NAAA: variants seen among roughly 807,000 people sequenced by gnomAD.
NAAA encodes the protein N-acylethanolamine-hydrolyzing acid amidase.
Under a neutral mutation model 44.8 loss-of-function variants are expected in NAAA, and 39 were observed. That is an observed-to-expected ratio of 0.87 (90% CI 0.67 to 1.14). The LOEUF is 1.14. Among genes scored for constraint, NAAA ranks in the 50% most tolerant of loss-of-function variants. The pLI is 0.00. For missense variants in NAAA, 460 were observed against 467.8 expected, an observed-to-expected ratio of 0.98 and a Z score of 0.15; for synonymous variants, 178 against 191.3, an observed-to-expected ratio of 0.93 and a Z score of 0.58.
At chr4:75,925,603 G>T in intron 5 of NAAA, 132 bp downstream of exon 5, 1 of 793,416 alleles carries the variant, frequency 1.3e-6, no homozygotes, top group Non-Finnish European at 2.1e-6. Context: ...AGATTTATAT[G>T]CACTTTGCAG....
At chr4:75,933,252 A>G (rs1238531625) in intron 3 of NAAA, among the ~76,000 whole-genome samples, 1 of 152,142 alleles carries the variant, frequency 6.6e-6, no homozygotes, top group Non-Finnish European at 1.5e-5. Flanking sequence ...CCTTAGAAAA[A>G]TTAGGTCAGT....
chr4:75,936,739 C>T (rs995066697), intron 2 of NAAA, among the ~76,000 whole-genome samples: 7 of 152,148 alleles, frequency 4.6e-5, no homozygotes, highest in African/African-American at 1.4e-4. Flanking sequence ...TCTTAAGGGA[C>T]TTGGCACTTT....
chr4:75,917,178 T>A, intron 9 of NAAA: 8 of 739,810 alleles, frequency 1.1e-5, no homozygotes, highest in African/African-American at 1.9e-5. Context: ...AAGGGCAACA[T>A]TGTGCCCCGC....
chr4:75,923,796 C>T (rs1037587991), intron 5 of NAAA, among the ~76,000 whole-genome samples: 1 of 152,136 alleles, frequency 6.6e-6, no homozygotes, highest in African/African-American at 2.4e-5. Flanking sequence ...CCTCGGCCTC[C>T]CAAAGTGCTG....
intron 3 of NAAA, among the ~76,000 whole-genome samples, chr4:75,934,369 G>A (rs1332951054): frequency 6.6e-6 from 1 of 151,972 alleles, no homozygotes; most frequent in Non-Finnish European, 1.5e-5. Context: ...GGGCTAGAGT[G>A]CAGTGGTGCG....
chr4:75,931,726 A>G (rs985129869), intron 3 of NAAA, among the ~76,000 whole-genome samples: 7 of 152,248 alleles, frequency 4.6e-5, no homozygotes, highest in Non-Finnish European at 8.8e-5. Flanking sequence ...CTTTGAAATC[A>G]TGGTAGTTAT....
chr4:75,916,498 T>C (rs963575696), intron 9 of NAAA: 3 of 152,248 alleles, frequency 2.0e-5, no homozygotes, highest in Admixed American at 6.5e-5. Context: ...TAAACATTCA[T>C]AACTGTTAAC....
chr4:75,932,002 G>C (rs1398914859), intron 3 of NAAA, among the ~76,000 whole-genome samples: 1 of 152,172 alleles, frequency 6.6e-6, no homozygotes, highest in Non-Finnish European at 1.5e-5. Flanking sequence ...GGCCAAGGTG[G>C]GCAGAACACC....
Position 75,931,259 on chromosome 4 carries a change from T to C in NAAA, c.544A>G (p.Thr182Ala). The C allele has an allele frequency of 6.2e-7, 1 of 1,613,060 alleles. No individual in the cohort carries two copies. The highest frequency in any genetic ancestry group is 1.7e-5 in the Admixed American group (1 of 59,998). The change falls in exon 4 of 11, where the codon ACT (threonine) becomes GCT (alanine). Residue 182 changes from threonine to alanine, a missense_variant. Coordinates refer to ENST00000286733, the MANE Select transcript of NAAA (RefSeq NM_014435.4). ...GTAAACTTGTGTGGGCTCTGGCCAGTCCATAATCCTACATAGCCAATAAAA... is the reference window on the plus strand; with the variant it reads ...GTAAACTTGTGTGGGCTCTGGCCAGCCCATAATCCTACATAGCCAATAAAA... ...TTFIGYVGLWTGQSPHKFTVS... is the reference protein window; with the variant it reads ...TTFIGYVGLWAGQSPHKFTVS...
At chr4:75,911,372 T>G (rs1212062244), downstream of NAAA, 1 of 490,618 alleles carries the variant, frequency 2.0e-6, no homozygotes, top group Non-Finnish European at 4.1e-6. Context: ...ACAAAACCAA[T>G]TCACTGAGAT....
In NAAA at chr4:75,941,003, G is replaced by C; in HGVS notation, c.-54C>G. 1.4e-6 allele frequency: 2 copies of C among 1,417,584 alleles called. No individual in the cohort carries two copies. Among genetic ancestry groups the C allele is most frequent in the Non-Finnish European group, 1.8e-6 (2 of 1,094,176 alleles). The allele number at this position is 1,417,584 out of a possible 1,614,324, so 87.8% of individuals were successfully genotyped here. On this transcript the variant is annotated 5_prime_UTR_variant, in exon 1 of 11. Coordinates refer to ENST00000286733, the MANE Select transcript of NAAA (RefSeq NM_014435.4). ...AGACCTGCAGCCGCTGTCGGAGCCC[G>C]GGTAAGCCGTGGAGGAGGAGGAGCT...
In NAAA at chr4:75,928,605, C is replaced by CGTCAGAGTGGAGATGCTGAGAAGAT. The variant is rs376419206; in HGVS notation, c.589+2584_589+2608dup. 2.4e-3 allele frequency among the ~76,000 whole-genome samples: 363 copies of CGTCAGAGTGGAGATGCTGAGAAGAT among 152,206 alleles called. 2 individuals are homozygous for CGTCAGAGTGGAGATGCTGAGAAGAT. The highest frequency in any genetic ancestry group is 8.5e-3 in the African/African-American group (355 of 41,536). On this transcript the variant is annotated intron_variant, in intron 4 of 10. Transcript: ENST00000286733. Reference sequence around the variant, plus strand: ...AGGCAAGTGTAAGATGCCTAGTAGACGTCAGAGTGGAGATGCTGAGAAGAT... The same window carrying CGTCAGAGTGGAGATGCTGAGAAGAT: ...AGGCAAGTGTAAGATGCCTAGTAGACGTCAGAGTGGAGATGCTGAGAAGATGTCAGAGTGGAGATGCTGAGAAGAT...
intron 8 of NAAA, 102 bp downstream of exon 8, chr4:75,919,807 C>G (rs1725976177): frequency 1.7e-6 from 2 of 1,180,326 alleles, no homozygotes; most frequent in Non-Finnish European, 2.5e-6. Flanking sequence ...AACTTTTACC[C>G]TAACGTTTTC....
At chr4:75,935,325 C>G (rs576165779) in intron 3 of NAAA, 88 of 152,282 alleles carry the variant, frequency 5.8e-4, no homozygotes, top group African/African-American at 2.0e-3. Flanking sequence ...GTCCTTACAG[C>G]CAAAATCTGG....
intron 3 of NAAA, among the ~76,000 whole-genome samples, chr4:75,932,929 A>ATT (rs1052786145): frequency 6.6e-6 from 1 of 152,068 alleles, no homozygotes; most frequent in African/African-American, 2.4e-5. Flanking sequence ...GAGGCCAGGA[A>ATT]TTTAAGACCA....
intron 4 of NAAA, among the ~76,000 whole-genome samples, chr4:75,928,939 CA>C (rs1224771326): frequency 2.0e-5 from 3 of 150,956 alleles, no homozygotes; most frequent in African/African-American, 7.3e-5. Flanking sequence ...AGGCACCCGC[CA>C]CCACGCCCGG....
At chr4:75,932,788 G>T (rs13105416) in intron 3 of NAAA, among the ~76,000 whole-genome samples, 39,790 of 151,694 alleles carry the variant, frequency 0.26, 5,406 homozygotes, top group East Asian at 0.42. Context: ...ACAGGTGTGA[G>T]CCACCACAGC....
chr4:75,923,131 C>T (rs769049275), intron 5 of NAAA, among the ~76,000 whole-genome samples: 1 of 151,814 alleles, frequency 6.6e-6, no homozygotes, highest in Non-Finnish European at 1.5e-5. Flanking sequence ...TGGACCTGAA[C>T]TCCTGGGCAG....
chr4:75,917,183 C>T (rs899210079), intron 9 of NAAA: 20 of 709,292 alleles, frequency 2.8e-5, no homozygotes, highest in Non-Finnish European at 1.9e-5. Context: ...CAACATTGTG[C>T]CCCGCTATGA....
Sources: allele counts gnomAD v4.1 joint callset (sites outside exome capture counted in the v4.1 genomes callset), GRCh38; gene constraint gnomAD v4.1.1; transcripts MANE v1.5; gene names NCBI Gene and HGNC (gene_info 2026-07-23, HGNC 2026-07-21).